CTNNA2: variants seen among roughly 807,000 people sequenced by gnomAD.
CTNNA2 encodes catenin alpha 2.
CTNNA2 carries 42 observed loss-of-function variants against 101.0 expected under a neutral mutation model. The observed-to-expected ratio is 0.42, with a 90% CI of 0.32 to 0.54. The LOEUF (loss-of-function observed/expected upper bound fraction) is 0.54, where lower values mean the gene tolerates loss of function less well. Among genes scored for constraint, CTNNA2 ranks in the 20% least tolerant of loss-of-function variants. The pLI is 0.14. For missense variants in CTNNA2, 871 were observed against 1,223.1 expected (o/e 0.71, Z 4.29); for synonymous variants, 450 against 456.4 (o/e 0.99, Z 0.18).
At chr2:80,146,710 GTTTTTTTTT>G (rs34019123) in intron 7 of CTNNA2, among the ~76,000 whole-genome samples, 5 of 61,744 alleles carry the variant, frequency 8.1e-5, no homozygotes, top group African/African-American at 1.1e-4. Flanking sequence ...GTCCCCTCTG[GTTTTTTTTT>G]TTTTTTTTTT....
chr2:80,010,510 C>T (rs1427243418), intron 7 of CTNNA2, among the ~76,000 whole-genome samples: 1 of 152,022 alleles, frequency 6.6e-6, no homozygotes, highest in Non-Finnish European at 1.5e-5. Flanking sequence ...TCCTCTGTTG[C>T]CAGGGCTGGT....
At chr2:79,374,101 G>A (rs1222663340) in intron 4 of CTNNA2, 2 of 153,754 alleles carry the variant, frequency 1.3e-5, no homozygotes, top group East Asian at 3.9e-4. Flanking sequence ...CTCATGATAG[G>A]ATTTGCCATT....
In CTNNA2 at chr2:79,978,756, G is replaced by A. The variant is rs189835173; in HGVS notation, c.1056+68959G>A. ...TCTAGGCTTTTCCTAGAGCAAAATA[G>A]TATTAATTCTGGGGTCACTAATTCT... On this transcript the variant is annotated intron_variant, in intron 7 of 18. Coordinates refer to ENST00000402739, the MANE Select transcript of CTNNA2 (RefSeq NM_001282597.3). Among the ~76,000 whole-genome samples, 3 of 152,122 alleles carry A rather than the reference G, an allele frequency of 2.0e-5. No homozygotes were observed. In the East Asian group the frequency reaches 5.8e-4, roughly 29 times the overall value.
intron 7 of CTNNA2, among the ~76,000 whole-genome samples, chr2:79,991,473 A>T (rs183140169): frequency 7.9e-5 from 12 of 152,290 alleles, no homozygotes; most frequent in African/African-American, 2.9e-4. Context: ...TAGAGAAGAA[A>T]ATTCCTCATC....
At chr2:80,222,761 C>T (rs1708640448) in intron 7 of CTNNA2, among the ~76,000 whole-genome samples, 1 of 152,178 alleles carries the variant, frequency 6.6e-6, no homozygotes. Context: ...TAACTTTATG[C>T]CTGGATCTCT....
At chr2:80,115,311 G>C (rs768752908) in intron 7 of CTNNA2, among the ~76,000 whole-genome samples, 11 of 152,170 alleles carry the variant, frequency 7.2e-5, no homozygotes, top group Non-Finnish European at 1.5e-4. Flanking sequence ...GATTCTGTAT[G>C]CTGTGAGACT....
chr2:79,532,367 A>C (rs985324427), intron 1 of CTNNA2, among the ~76,000 whole-genome samples: 3 of 152,102 alleles, frequency 2.0e-5, no homozygotes, highest in Non-Finnish European at 4.4e-5. Flanking sequence ...GAGAGTATTC[A>C]CTTGTCTTAT....
intron 9 of CTNNA2, among the ~76,000 whole-genome samples, chr2:80,511,523 G>A (rs1269906571): frequency 1.3e-5 from 2 of 152,082 alleles, no homozygotes; most frequent in African/African-American, 2.4e-5. Context: ...ACATTGGTGG[G>A]CCAAGACTAT....
intron 9 of CTNNA2, among the ~76,000 whole-genome samples, chr2:80,528,471 C>T (rs1690234093): frequency 2.0e-5 from 3 of 152,122 alleles, no homozygotes; most frequent in South Asian, 2.1e-4. Context: ...GCTGGGATTA[C>T]AGGCGTGAGC....
intron 3 of CTNNA2, among the ~76,000 whole-genome samples, chr2:79,848,727 G>A (rs971819068): frequency 6.6e-6 from 1 of 152,136 alleles, no homozygotes; most frequent in Admixed American, 6.5e-5. Flanking sequence ...TCTTGATAGG[G>A]CAAATATTAC....
intron 7 of CTNNA2, among the ~76,000 whole-genome samples, chr2:80,198,195 A>G (rs879820593): frequency 1.3e-5 from 2 of 152,180 alleles, no homozygotes; most frequent in Non-Finnish European, 2.9e-5. Context: ...CATTGTTAAA[A>G]TTCAAGTATG....
intron 2 of CTNNA2, among the ~76,000 whole-genome samples, chr2:79,272,686 A>G (rs1327163501): frequency 2.0e-5 from 3 of 152,102 alleles, no homozygotes; most frequent in Non-Finnish European, 4.4e-5. Context: ...TTGTTTTATT[A>G]AACAAAGTGT....
chr2:79,197,184 C>A (rs899171918), intron 1 of CTNNA2, among the ~76,000 whole-genome samples: 1 of 152,058 alleles, frequency 6.6e-6, no homozygotes, highest in African/African-American at 2.4e-5. Context: ...AAAGAGCACC[C>A]GAATTAGAAC....
intron 7 of CTNNA2, among the ~76,000 whole-genome samples, chr2:79,964,257 T>G (rs1420184849): frequency 1.3e-5 from 2 of 152,200 alleles, no homozygotes; most frequent in African/African-American, 4.8e-5. Context: ...GTTATTTCAT[T>G]TAATCCATAT....
chr2:79,689,982 G>C (rs1017861170), intron 2 of CTNNA2, among the ~76,000 whole-genome samples: 1 of 151,938 alleles, frequency 6.6e-6, no homozygotes, highest in South Asian at 2.1e-4. Context: ...AAAATATCTT[G>C]CATATACATA....
At chr2:79,829,821 G>A (rs1678782764) in intron 3 of CTNNA2, among the ~76,000 whole-genome samples, 2 of 151,718 alleles carry the variant, frequency 1.3e-5, no homozygotes, top group Admixed American at 6.6e-5. Context: ...CCGGGTTCAC[G>A]CCGTTGTCCT....
intron 7 of CTNNA2, chr2:80,305,344 A>G: frequency 3.0e-6 from 3 of 985,180 alleles, no homozygotes; most frequent in Non-Finnish European, 3.6e-6. Flanking sequence ...GTGCAGGGAG[A>G]CTTGACTGAG....
chr2:80,364,556 ATT>A (rs57073635), intron 7 of CTNNA2, among the ~76,000 whole-genome samples: 4,021 of 123,410 alleles, frequency 0.033, 46 homozygotes, highest in African/African-American at 0.053. Flanking sequence ...AGAGAAAGTA[ATT>A]TTTTTTTTTT....
intron 2 of CTNNA2, among the ~76,000 whole-genome samples, chr2:79,660,887 A>G (rs960080700): frequency 6.6e-6 from 1 of 152,224 alleles, no homozygotes; most frequent in African/African-American, 2.4e-5. Context: ...TAGTATAAAC[A>G]TGGAATTATG....
Sources: allele counts gnomAD v4.1 joint callset (sites outside exome capture counted in the v4.1 genomes callset), GRCh38; gene constraint gnomAD v4.1.1; transcripts MANE v1.5; gene names NCBI Gene and HGNC (gene_info 2026-07-23, HGNC 2026-07-21).